PUS7: variants seen among roughly 807,000 people sequenced by gnomAD.
The protein encoded by PUS7 is pseudouridine synthase 7.
Under a neutral mutation model 79.8 loss-of-function variants are expected in PUS7, and 48 were observed. The ratio of observed to expected loss-of-function variants is 0.60; its 90% CI spans 0.48 to 0.76. The LOEUF (loss-of-function observed/expected upper bound fraction) is 0.76. Among genes scored for constraint, PUS7 ranks in the 30% least tolerant of loss-of-function variants. PUS7 has a pLI of 0.00. For synonymous variants in PUS7, 286 were observed against 272.2 expected (o/e 1.05, Z -0.50); for missense variants, 729 against 797.6 (o/e 0.91, Z 1.04).
intron 6 of PUS7, among the ~76,000 whole-genome samples, chr7:105,494,521 T>C (rs1363335264): frequency 6.7e-6 from 1 of 149,510 alleles, no homozygotes; most frequent in Non-Finnish European, 1.5e-5. Flanking sequence ...GCAATTCTCC[T>C]GCCTCAGCCT....
chr7:105,492,500 A>AT (rs1159017117), intron 6 of PUS7, among the ~76,000 whole-genome samples: 4,964 of 87,288 alleles, frequency 0.057, 487 homozygotes, highest in African/African-American at 0.14. Flanking sequence ...GATTTTTTGT[A>AT]TTTTTTTTTT....
At chr7:105,514,494 C>T (rs189155450) in intron 1 of PUS7, among the ~76,000 whole-genome samples, 5,271 of 150,968 alleles carry the variant, frequency 0.035, 113 homozygotes, top group Non-Finnish European at 0.055. Context: ...GTCCCAGCTA[C>T]TCAGGAGGCT....
chr7:105,460,043 A>G (rs1418624745), intron 14 of PUS7, among the ~76,000 whole-genome samples: 1 of 152,054 alleles, frequency 6.6e-6, no homozygotes, highest in African/African-American at 2.4e-5. Context: ...GGTTCACACC[A>G]TTCTCCTGCC....
At chr7:105,475,255 G>A (rs1301811842) in intron 9 of PUS7, among the ~76,000 whole-genome samples, 14 of 151,946 alleles carry the variant, frequency 9.2e-5, no homozygotes, top group Non-Finnish European at 5.9e-5. Flanking sequence ...GCACGATCTC[G>A]GCTCACTGCA....
At chr7:105,498,902 C>T (rs1003462334) in intron 5 of PUS7, among the ~76,000 whole-genome samples, 8 of 152,216 alleles carry the variant, frequency 5.3e-5, no homozygotes, top group Non-Finnish European at 1.2e-4. Flanking sequence ...GCTGGGATTA[C>T]AGGCGTGAGC....
At chr7:105,498,006 A>G (rs1380905517) in intron 5 of PUS7, among the ~76,000 whole-genome samples, 3 of 152,236 alleles carry the variant, frequency 2.0e-5, no homozygotes, top group Non-Finnish European at 4.4e-5. Context: ...GTATAATGAC[A>G]AGAAATAAAT....
At chr7:105,513,579 G>A (rs1358977304) in intron 1 of PUS7, among the ~76,000 whole-genome samples, 1 of 151,822 alleles carries the variant, frequency 6.6e-6, no homozygotes, top group Non-Finnish European at 1.5e-5. Flanking sequence ...CAGCACTTTG[G>A]GAGGCCAAGG....
chr7:105,482,368 T>G lies in PUS7; in HGVS notation c.993A>C (p.Gln331His). The change falls in exon 8 of 16, where the codon CAA (glutamine) becomes CAC (histidine). Residue 331 changes from glutamine to histidine, a missense_variant. Physicochemically the swap from Gln to His is conservative, Grantham distance 24. Coordinates refer to ENST00000469408, the MANE Select transcript of PUS7 (RefSeq NM_019042.5). ...MNFKLGNFSYQKNPLKLGELQ... is the reference protein window; with the variant it reads ...MNFKLGNFSYHKNPLKLGELQ... ...GCTCTCCCAATTTCAGTGGGTTTTT[T>G]TGATAGCTGAAATTCCCTAGCTTAA... 1.2e-6 allele frequency: 2 copies of G among 1,613,094 alleles called. No homozygotes were observed. Among genetic ancestry groups the G allele is most frequent in the South Asian group, 2.2e-5 (2 of 91,066 alleles).
chr7:105,474,165 T>C (rs370111371), intron 9 of PUS7, among the ~76,000 whole-genome samples: 6 of 152,310 alleles, frequency 3.9e-5, no homozygotes, highest in Non-Finnish European at 7.3e-5. Context: ...GGTTCTTTAT[T>C]TTCACATTTA....
At chr7:105,473,742 C>A (rs949382155) in intron 9 of PUS7, among the ~76,000 whole-genome samples, 1 of 151,804 alleles carries the variant, frequency 6.6e-6, no homozygotes. Flanking sequence ...TTAGTAGAGA[C>A]GAGGTTTCAC....
rs568254794 is a variant in PUS7, at chr7:105,486,011, C to G, written c.921-3571G>C. Among the ~76,000 whole-genome samples the G allele has an allele frequency of 6.6e-5, 10 of 151,970 alleles. No individual in the cohort carries two copies. The South Asian group carries it at 2.1e-3, about 32-fold the overall frequency. The stretch of plus-strand genomic sequence containing the variant: ...TACCGGCGTGAGCCACTGCACCTAT[C>G]CAGGTGCTATATTTATTTTTCTTTC... On this transcript the variant is annotated intron_variant, in intron 7 of 15. Coordinates refer to ENST00000469408, the MANE Select transcript of PUS7 (RefSeq NM_019042.5).
chr7:105,505,192 G>C lies in PUS7; in HGVS notation c.585+763C>G, dbSNP rs142722247. On this transcript the variant is annotated intron_variant, in intron 4 of 15. Coordinates refer to ENST00000469408, the MANE Select transcript of PUS7 (RefSeq NM_019042.5). ...ATTTTTTTGTATTTTTAGTAGAGAC[G>C]GGATTTCGCCATGTTGGCCAGGCTG... Among the ~76,000 whole-genome samples the C allele has an allele frequency of 2.6e-3, 394 of 152,044 alleles. 3 individuals are homozygous for C. Among genetic ancestry groups the C allele is most frequent in the African/African-American group, 9.1e-3 (379 of 41,510 alleles).
intron 1 of PUS7, among the ~76,000 whole-genome samples, chr7:105,520,927 G>T (rs1305764359): frequency 6.6e-6 from 1 of 151,988 alleles, no homozygotes. Context: ...AGGATTGCTT[G>T]AGCCCAGGAG....
intron 6 of PUS7, 66 bp from the exon 7 acceptor site, chr7:105,491,683 T>C: frequency 1.1e-6 from 1 of 940,290 alleles, no homozygotes; most frequent in Non-Finnish European, 1.7e-6. Flanking sequence ...ATCCTAATTC[T>C]CATAATTTAA....
chr7:105,495,121 G>C (rs778449427), intron 6 of PUS7, 21 bp downstream of exon 6: 2 of 1,377,336 alleles, frequency 1.5e-6, no homozygotes, highest in Non-Finnish European at 2.0e-6. Flanking sequence ...ATTTTGTATA[G>C]GCATAACAAC....
At chr7:105,517,113 A>G (rs1397665165) in intron 1 of PUS7, among the ~76,000 whole-genome samples, 4 of 152,030 alleles carry the variant, frequency 2.6e-5, no homozygotes, top group Admixed American at 6.6e-5. Context: ...TTAAACCAGG[A>G]AGAGAATGAA....
chr7:105,480,681 C>T (rs1486055768), intron 9 of PUS7, among the ~76,000 whole-genome samples: 2 of 152,098 alleles, frequency 1.3e-5, no homozygotes, highest in African/African-American at 4.8e-5. Context: ...GAGGCTGAGG[C>T]AGGAGAATCA....
In PUS7 at chr7:105,508,316, C is replaced by T; in HGVS notation, c.197G>A (p.Ser66Asn). The T allele has an allele frequency of 1.2e-6, 2 of 1,614,182 alleles. No individual in the cohort carries two copies. Among genetic ancestry groups the T allele is most frequent in the South Asian group, 2.2e-5 (2 of 91,088 alleles). Residue 66 changes from serine to asparagine, a missense_variant, in exon 2 of 16, where the codon AGT (serine) becomes AAT (asparagine). Coordinates refer to ENST00000469408, the MANE Select transcript of PUS7 (RefSeq NM_019042.5). Reference sequence around the variant, plus strand: ...AGAATTCTTTCCACCTTTCCCAGTACTGACAGTGTCAGGAGGCCGAGGCAC... The same window carrying T: ...AGAATTCTTTCCACCTTTCCCAGTATTGACAGTGTCAGGAGGCCGAGGCAC... ...EDVPRPPDTV[S>N]TGKGGKNSEA...
At chr7:105,502,278 C>G (rs1054520462) in intron 5 of PUS7, 142 bp downstream of exon 5, 1 of 1,067,502 alleles carries the variant, frequency 9.4e-7, no homozygotes, top group African/African-American at 1.6e-5. Context: ...AATACTCACC[C>G]TCTCTGAAGG....
Sources: allele counts gnomAD v4.1 joint callset (sites outside exome capture counted in the v4.1 genomes callset), GRCh38; gene constraint gnomAD v4.1.1; transcripts MANE v1.5; gene names NCBI Gene and HGNC (gene_info 2026-07-23, HGNC 2026-07-21).